Variants in CD86 observed in about 807,000 individuals in gnomAD.
CD86 encodes CD86 molecule.
CD86 carries 11 observed loss-of-function variants against 32.1 expected under a neutral mutation model. The observed-to-expected ratio is 0.34, with a 90% CI of 0.22 to 0.57. The LOEUF (loss-of-function observed/expected upper bound fraction) is 0.57. Among genes scored for constraint, CD86 ranks in the 20% least tolerant of loss-of-function variants. The pLI is 0.86. For synonymous variants in CD86, 137 were observed against 135.3 expected, an observed-to-expected ratio of 1.01 and a Z score of -0.09; for missense variants, 359 against 398.4, an observed-to-expected ratio of 0.90 and a Z score of 0.84.
rs2073313344 is a variant in CD86 at position 122,119,664 on chromosome 3, C to T, written c.*130C>T. On this transcript the variant is annotated 3_prime_UTR_variant, in exon 7 of 7. Transcript: ENST00000330540. ...TGAGTAATAAGGGGGCTCCAGGACT[C>T]CCTCTAAGTGGAATAGCCTCCCTGT... 1 of 629,002 alleles carries T rather than the reference C, an allele frequency of 1.6e-6. No individual in the cohort carries two copies. Among genetic ancestry groups the T allele is most frequent in the Non-Finnish European group, 2.8e-6 (1 of 351,030 alleles). 39.0% of individuals were successfully genotyped at this position (629,002 alleles called of 1,614,324 possible). A position where few individuals can be genotyped will look rare whatever the true frequency, so the allele number is the denominator to read the frequency against.
intron 1 of CD86, among the ~76,000 whole-genome samples, chr3:122,060,429 C>T (rs1054813131): frequency 2.0e-5 from 3 of 152,084 alleles, no homozygotes; most frequent in South Asian, 2.1e-4. Flanking sequence ...CCTCTGCTGT[C>T]GGTGGAAATA....
Position 122,117,863 on chromosome 3 carries a change from T to G in CD86, c.848-185T>G, listed in dbSNP as rs61576023. Among the ~76,000 whole-genome samples, 388 of 152,346 alleles carry G rather than the reference T, an allele frequency of 2.5e-3. 2 individuals are homozygous for G. Among genetic ancestry groups the G allele is most frequent in the African/African-American group, 8.7e-3 (363 of 41,578 alleles). On this transcript the variant is annotated intron_variant, in intron 5 of 6. Transcript: ENST00000330540. Reference sequence around the variant, plus strand: ...CAGTGAGAAAGGGAAGGCATATACTTTTTGAATGCAAGAAACTTCTTCCCA... The same window carrying G: ...CAGTGAGAAAGGGAAGGCATATACTGTTTGAATGCAAGAAACTTCTTCCCA...
At chr3:122,109,698 G>A (rs2073144676) in intron 5 of CD86, among the ~76,000 whole-genome samples, 1 of 152,140 alleles carries the variant, frequency 6.6e-6, no homozygotes. Context: ...ACTTCATGAG[G>A]TTACTGTGAC....
chr3:122,114,873 C>T (rs1032239056), intron 5 of CD86, among the ~76,000 whole-genome samples: 2 of 152,174 alleles, frequency 1.3e-5, no homozygotes, highest in Non-Finnish European at 2.9e-5. Flanking sequence ...ACTTCCTCAA[C>T]CTGACAAAGG....
At chr3:122,067,252 G>A (rs537118759) in intron 1 of CD86, among the ~76,000 whole-genome samples, 13 of 152,260 alleles carry the variant, frequency 8.5e-5, no homozygotes, top group African/African-American at 2.4e-4. Flanking sequence ...AGTAAGGCGC[G>A]GGTCTTTAAA....
rs3792287 is a variant in CD86 at position 122,108,666 on chromosome 3, G to A, written c.704-599G>A. ...CCTGAAGGCGTGAAGGTTCCTCAAG[G>A]CATGAAGAAACATCAAAGGTTTTTC... On this transcript the variant is annotated intron_variant, in intron 4 of 6. Coordinates refer to ENST00000330540, the MANE Select transcript of CD86 (RefSeq NM_175862.5). Among the ~76,000 whole-genome samples, 877 of 152,274 alleles carry A rather than the reference G, an allele frequency of 5.8e-3. 36 individuals are homozygous for A. The East Asian group carries it at 0.11, about 18-fold the overall frequency.
rs945277587 is a variant in CD86, at chr3:122,106,438, T to A, written c.641T>A (p.Met214Lys). Residue 214 changes from methionine to lysine, a missense_variant, in exon 4 of 7, where the codon ATG (methionine) becomes AAG (lysine). Transcript: ENST00000330540. ...SVSFPDVTSN[M>K]TIFCILETDK... ...TCATTCCCTGATGTTACGAGCAATA[T>A]GACCATCTTCTGTATTCTGGAAACT... The A allele has an allele frequency of 6.2e-7, 1 of 1,613,990 alleles. No homozygotes were observed. The highest frequency in any genetic ancestry group is 2.2e-5 in the East Asian group (1 of 44,896).
intron 1 of CD86, among the ~76,000 whole-genome samples, chr3:122,059,569 G>T (rs2072295044): frequency 1.3e-5 from 2 of 152,000 alleles, no homozygotes; most frequent in Non-Finnish European, 2.9e-5. Context: ...ATCAAGTGGG[G>T]AGATGGATGC....
intron 1 of CD86, among the ~76,000 whole-genome samples, chr3:122,090,139 C>A (rs1228342434): frequency 1.3e-5 from 2 of 152,078 alleles, no homozygotes; most frequent in Non-Finnish European, 2.9e-5. Context: ...TCACCTTTAT[C>A]TTTCAAATTT....
intron 5 of CD86, among the ~76,000 whole-genome samples, chr3:122,113,007 C>T (rs1241395688): frequency 6.6e-6 from 1 of 152,184 alleles, no homozygotes; most frequent in East Asian, 1.9e-4. Flanking sequence ...TCACCCCTCC[C>T]ACTCTTTCCT....
intron 2 of CD86, among the ~76,000 whole-genome samples, chr3:122,093,028 G>A (rs965019440): frequency 5.9e-5 from 9 of 152,276 alleles, no homozygotes; most frequent in African/African-American, 1.4e-4. Flanking sequence ...AACCCCCAGG[G>A]CCCATGACCT....
chr3:122,091,704 T>A, intron 2 of CD86, 54 bp downstream of exon 2: 2 of 1,439,584 alleles, frequency 1.4e-6, no homozygotes, highest in East Asian at 4.5e-5. Context: ...TCCTGATGAG[T>A]CTGACCACAG....
chr3:122,071,631 G>GTGAC (rs559526434), intron 1 of CD86, among the ~76,000 whole-genome samples: 27 of 152,274 alleles, frequency 1.8e-4, no homozygotes, highest in African/African-American at 6.5e-4. Flanking sequence ...ACCTAGAAGT[G>GTGAC]TGACTGCTGG....
At chr3:122,112,861 G>GT (rs2073196522) in intron 5 of CD86, among the ~76,000 whole-genome samples, 1 of 151,986 alleles carries the variant, frequency 6.6e-6, no homozygotes, top group Non-Finnish European at 1.5e-5. Context: ...TATTTGAATA[G>GT]TTTTTTGGGA....
chr3:122,088,276 G>A (rs1440136703), intron 1 of CD86, among the ~76,000 whole-genome samples: 1 of 146,930 alleles, frequency 6.8e-6, no homozygotes, highest in Non-Finnish European at 1.5e-5. Flanking sequence ...TTTTGAGTAT[G>A]ACCATCTTTT....
At chr3:122,112,678 C>T (rs1423886691) in intron 5 of CD86, among the ~76,000 whole-genome samples, 2 of 152,158 alleles carry the variant, frequency 1.3e-5, no homozygotes, top group Non-Finnish European at 2.9e-5. Context: ...TTAGAATCTA[C>T]CTTTTAATTG....
chr3:122,099,594 A>C (rs2072964619), intron 2 of CD86, among the ~76,000 whole-genome samples: 1 of 152,224 alleles, frequency 6.6e-6, no homozygotes, highest in South Asian at 2.1e-4. Context: ...TATGTAGACC[A>C]AAAGTAGAGT....
Position 122,106,491 on chromosome 3 carries a change from T to C in CD86, c.694T>C (p.Phe232Leu), listed in dbSNP as rs192675071. The change falls in exon 4 of 7, where the codon TTC (phenylalanine) becomes CTC (leucine). Residue 232 changes from phenylalanine (F) to leucine (L), a missense_variant. By Grantham distance (22) the Phe-to-Leu change is conservative. Coordinates refer to ENST00000330540, the MANE Select transcript of CD86 (RefSeq NM_175862.5). ...CAAGACGCGGCTTTTATCTTCACCT[T>C]TCTCTATAGGTAAAGCTGTTTTCCA... is the stretch of plus-strand genomic sequence containing the variant. ...TDKTRLLSSP[F>L]SIELEDPQPP... The C allele has an allele frequency of 4.2e-5, 67 of 1,605,822 alleles. No homozygotes were observed. In the East Asian group the frequency reaches 7.1e-4, roughly 17 times the overall value.
In CD86 at chr3:122,120,104, C is replaced by T. The variant is rs985947634; in HGVS notation, c.*570C>T. ...AAGTCTACCCCTGCTAAGGAGTTCTCATCCCTCTGTCAGGGTCAGTAAGGA... is the reference window on the plus strand; with the variant it reads ...AAGTCTACCCCTGCTAAGGAGTTCTTATCCCTCTGTCAGGGTCAGTAAGGA... On this transcript the variant is annotated 3_prime_UTR_variant, in exon 7 of 7. Transcript: ENST00000330540. 2 of 152,462 alleles carry T rather than the reference C, an allele frequency of 1.3e-5. No homozygotes were observed. The highest frequency in any genetic ancestry group is 2.9e-5 in the Non-Finnish European group (2 of 68,276). 9.4% of individuals were successfully genotyped at this position (152,462 alleles called of 1,614,324 possible). A position where few individuals can be genotyped will look rare whatever the true frequency, so the allele number is the denominator to read the frequency against.
Sources: gnomAD v4.1 joint callset for allele counts (sites outside exome capture counted in the v4.1 genomes callset) on GRCh38, gnomAD v4.1.1 for gene constraint, MANE v1.5 for transcripts, NCBI Gene and HGNC (gene_info 2026-07-23, HGNC 2026-07-21) for gene names.